The following ATP6V0A1 variants were observed in gnomAD, a reference collection of about 807,000 sequenced individuals.
ATP6V0A1 encodes V-type proton ATPase 116 kDa subunit a 1.
In ATP6V0A1, 43 loss-of-function variants were observed where a neutral mutation model predicts 105.4. The ratio of observed to expected loss-of-function variants is 0.41; its 90% CI spans 0.32 to 0.53. ATP6V0A1 has a LOEUF of 0.53. Among genes scored for constraint, ATP6V0A1 ranks in the 20% least tolerant of loss-of-function variants. ATP6V0A1 has a pLI of 0.30. For synonymous variants in ATP6V0A1, 362 were observed against 372.8 expected (o/e 0.97, Z 0.33); for missense variants, 676 against 1,051.1 (o/e 0.64, Z 4.93).
At chr17:42,474,053 A>G (rs2145772347) in intron 5 of ATP6V0A1, among the ~76,000 whole-genome samples, 1 of 149,410 alleles carries the variant, frequency 6.7e-6, no homozygotes, top group African/African-American at 2.5e-5. Flanking sequence ...TCCAGGCTGG[A>G]GTGCAGTGGT....
intron 1 of ATP6V0A1, 21 bp from the exon 2 acceptor site, chr17:42,460,827 G>A: frequency 7.6e-7 from 1 of 1,320,534 alleles, no homozygotes; most frequent in South Asian, 1.2e-5. Flanking sequence ...CCAAAGTTAT[G>A]TCATTTTCTC....
chr17:42,489,077 T>G (rs1386317662), intron 10 of ATP6V0A1, among the ~76,000 whole-genome samples: 1 of 138,398 alleles, frequency 7.2e-6, no homozygotes, highest in African/African-American at 2.6e-5. Flanking sequence ...TGTTTTTTGG[T>G]TTTTTTTTTT....
At chr17:42,460,416 G>A (rs1168566039) in intron 1 of ATP6V0A1, 1 of 156,912 alleles carries the variant, frequency 6.4e-6, no homozygotes, top group Non-Finnish European at 1.4e-5. Context: ...TAGTTACAAG[G>A]CAGACATCTT....
At position 42,473,632 on chromosome 17, in the gene ATP6V0A1, T is replaced by C. The variant is rs548699529; in HGVS notation, c.423+3414T>C. ...GTCCCCATTTTTTTCCCTTTTGATA[T>C]ACTGTTTAGTTTACTGCTGAGATAT... On this transcript the variant is annotated intron_variant, in intron 5 of 21. Transcript: ENST00000343619. Among the ~76,000 whole-genome samples the C allele has an allele frequency of 5.1e-4, 78 of 152,308 alleles. 1 individual carries two copies. Among genetic ancestry groups the C allele is most frequent in the Admixed American group, 1.8e-3 (28 of 15,294 alleles).
intron 9 of ATP6V0A1, among the ~76,000 whole-genome samples, chr17:42,485,481 C>T (rs1288399113): frequency 6.6e-6 from 1 of 152,148 alleles, no homozygotes; most frequent in Non-Finnish European, 1.5e-5. Context: ...GCAAATAGAA[C>T]ATTGCTTGCT....
At chr17:42,460,626 C>G (rs1378676914) in intron 1 of ATP6V0A1, among the ~76,000 whole-genome samples, 1 of 152,138 alleles carries the variant, frequency 6.6e-6, no homozygotes, top group East Asian at 1.9e-4. Flanking sequence ...CTGATGTTGA[C>G]TGGAATGGAA....
intron 3 of ATP6V0A1, 92 bp from the exon 4 acceptor site, chr17:42,467,918 A>G (rs1478235125): frequency 1.8e-6 from 1 of 560,222 alleles, no homozygotes; most frequent in Non-Finnish European, 2.8e-6. Flanking sequence ...AACTTTTTGT[A>G]ACCAGGTCTT....
chr17:42,496,148 T>C (rs1460103094), intron 14 of ATP6V0A1: 3 of 165,638 alleles, frequency 1.8e-5, no homozygotes, highest in African/African-American at 7.2e-5. Context: ...TGGGAAACCT[T>C]GATGTATGTA....
rs147554009 is a variant in ATP6V0A1, at chr17:42,478,493, C to G, written c.537C>G (p.Arg179=). Residue 179 remains arginine (R), a synonymous_variant, in exon 7 of 22, where the codon CGC becomes CGG. Transcript: ENST00000343619. ...TGGCTGGTGTCATTAACCGGGAGCGCATCCCTACTTTTGAGCGCATGCTTT... is the reference window on the plus strand; with the variant it reads ...TGGCTGGTGTCATTAACCGGGAGCGGATCCCTACTTTTGAGCGCATGCTTT... The part of the protein sequence containing the change: ...GFVAGVINRE[R]IPTFERMLWR... 1.2e-6 allele frequency: 2 copies of G among 1,610,336 alleles called. No individual in the cohort carries two copies. The highest frequency in any genetic ancestry group is 2.7e-5 in the African/African-American group (2 of 74,794).
intron 2 of ATP6V0A1, among the ~76,000 whole-genome samples, chr17:42,466,218 G>T (rs960065371): frequency 6.6e-6 from 1 of 152,186 alleles, no homozygotes; most frequent in Non-Finnish European, 1.5e-5. Context: ...CTCCATTCCA[G>T]TAATGTTGCA....
chr17:42,502,770 T>G (rs1567857897), intron 17 of ATP6V0A1: 2 of 152,656 alleles, frequency 1.3e-5, no homozygotes, highest in Admixed American at 6.5e-5. Context: ...TTTCCCCTTC[T>G]TCTTTTCTTC....
intron 2 of ATP6V0A1, among the ~76,000 whole-genome samples, chr17:42,465,801 TA>T (rs1439263356): frequency 1.3e-5 from 2 of 151,544 alleles, no homozygotes; most frequent in African/African-American, 2.4e-5. Flanking sequence ...CTGTCTCTAC[TA>T]AAAATGCAAG....
chr17:42,470,050 A>T (rs1304529270), intron 4 of ATP6V0A1, 40 bp from the exon 5 acceptor site: 1 of 1,540,824 alleles, frequency 6.5e-7, no homozygotes, highest in Non-Finnish European at 8.8e-7. Context: ...CAGAGCAAAC[A>T]TATTGAGCTT....
chr17:42,495,767 C>A (rs771759166), intron 14 of ATP6V0A1, 51 bp downstream of exon 14: 1 of 1,418,940 alleles, frequency 7.0e-7, no homozygotes, highest in Non-Finnish European at 9.9e-7. Context: ...TAACACTAAC[C>A]CTGAAGCAAG....
At chr17:42,465,181 A>G (rs2086891531) in intron 2 of ATP6V0A1, among the ~76,000 whole-genome samples, 1 of 150,868 alleles carries the variant, frequency 6.6e-6, no homozygotes, top group African/African-American at 2.5e-5. Context: ...TTTAGTTGAG[A>G]CAGGGTTTCG....
intron 5 of ATP6V0A1, among the ~76,000 whole-genome samples, chr17:42,473,593 C>A (rs976667202): frequency 2.6e-5 from 4 of 152,178 alleles, no homozygotes; most frequent in African/African-American, 7.2e-5. Context: ...GAGCTTAATT[C>A]TTTTACCTTC....
intron 19 of ATP6V0A1, chr17:42,513,341 G>A (rs1228328344): frequency 2.0e-5 from 3 of 152,774 alleles, no homozygotes; most frequent in African/African-American, 7.2e-5. Flanking sequence ...GCTCCCAAAA[G>A]GCTGTAAAAA....
At chr17:42,502,285 A>AG (rs1374957282) in intron 17 of ATP6V0A1, among the ~76,000 whole-genome samples, 1 of 152,240 alleles carries the variant, frequency 6.6e-6, no homozygotes, top group African/African-American at 2.4e-5. Context: ...CAAGAGCTGC[A>AG]GATGGGTGAA....
At chr17:42,490,834 G>A (rs566672465) in intron 11 of ATP6V0A1, among the ~76,000 whole-genome samples, 197 bp downstream of exon 11, 5 of 152,110 alleles carry the variant, frequency 3.3e-5, no homozygotes, top group African/African-American at 1.2e-4. Context: ...GACCACAGGC[G>A]CACAGCACCA....
Sources: allele counts gnomAD v4.1 joint callset (sites outside exome capture counted in the v4.1 genomes callset), GRCh38; gene constraint gnomAD v4.1.1; transcripts MANE v1.5; gene names NCBI Gene and HGNC (gene_info 2026-07-23, HGNC 2026-07-21).